FOLH1: variants seen among roughly 807,000 people sequenced by gnomAD.
FOLH1 encodes the protein folate hydrolase 1, also known as glutamate carboxypeptidase 2.
A neutral mutation model predicts 93.9 loss-of-function variants in FOLH1; 54 were observed. That is an observed-to-expected ratio of 0.57 (90% CI 0.46 to 0.72). FOLH1 has a LOEUF of 0.72. Ranked by LOEUF, FOLH1 falls within the 30% of genes least tolerant of loss-of-function variation. The pLI is 0.00. For synonymous variants in FOLH1, 249 were observed against 303.6 expected, an observed-to-expected ratio of 0.82 and a Z score of 1.87; for missense variants, 571 against 892.5, an observed-to-expected ratio of 0.64 and a Z score of 4.59.
intron 3 of FOLH1, among the ~76,000 whole-genome samples, chr11:49,197,508 G>T (rs1348382330): frequency 6.6e-6 from 1 of 152,130 alleles, no homozygotes; most frequent in Non-Finnish European, 1.5e-5. Context: ...ATCTTTATGG[G>T]ATGTTATTTC....
At chr11:49,201,558 T>C (rs1441631288) in intron 2 of FOLH1, among the ~76,000 whole-genome samples, 2 of 151,940 alleles carry the variant, frequency 1.3e-5, no homozygotes, top group Non-Finnish European at 2.9e-5. Context: ...ATAAAAATAG[T>C]ATTAAAATCC....
At position 49,184,849 on chromosome 11, in the gene FOLH1, T is replaced by C. The variant is rs182948270; in HGVS notation, c.826+820A>G. ...ACATTCAAAATAAATTAGCTCCCTTTGTTAATGTTTTACAGGGGAGCCTTT... is the reference window on the plus strand; with the variant it reads ...ACATTCAAAATAAATTAGCTCCCTTCGTTAATGTTTTACAGGGGAGCCTTT... On this transcript the variant is annotated intron_variant, in intron 6 of 18. Coordinates refer to ENST00000256999, the MANE Select transcript of FOLH1 (RefSeq NM_004476.3). 2.2e-3 allele frequency among the ~76,000 whole-genome samples: 339 copies of C among 152,344 alleles called. 1 individual carries two copies. Among genetic ancestry groups the C allele is most frequent in the Admixed American group, 3.9e-3 (60 of 15,300 alleles).
intron 12 of FOLH1, among the ~76,000 whole-genome samples, chr11:49,168,348 ATATAT>A (rs1858717445): frequency 2.6e-5 from 4 of 152,070 alleles, no homozygotes; most frequent in African/African-American, 9.7e-5. Flanking sequence ...CAAGATATAG[ATATAT>A]TAGTGGAGCT....
At chr11:49,169,588 G>C (rs1858956818) in intron 11 of FOLH1, among the ~76,000 whole-genome samples, 1 of 152,158 alleles carries the variant, frequency 6.6e-6, no homozygotes, top group Admixed American at 6.5e-5. Flanking sequence ...AATGACCTAA[G>C]AGACTTTTCA....
At chr11:49,193,175 A>G (rs937264713) in intron 3 of FOLH1, among the ~76,000 whole-genome samples, 3 of 152,224 alleles carry the variant, frequency 2.0e-5, no homozygotes, top group African/African-American at 4.8e-5. Context: ...ATGAAAAACA[A>G]CAATCATAAA....
chr11:49,145,991 A>G lies in FOLH1; in HGVS notation c.*765T>C, dbSNP rs1284441903. ...TACACATGGTATGATTGTCTTTACA[A>G]AAAGTTCAAAAATACATAATGCCAA... On this transcript the variant is annotated 3_prime_UTR_variant, in exon 19 of 19. Coordinates refer to ENST00000256999, the MANE Select transcript of FOLH1 (RefSeq NM_004476.3). 6.6e-6 allele frequency among the ~76,000 whole-genome samples: 1 copy of G among 152,218 alleles called. No homozygotes were observed. The highest frequency in any genetic ancestry group is 2.4e-5 in the African/African-American group (1 of 41,464).
chr11:49,190,141 T>C (rs552420239), intron 4 of FOLH1, among the ~76,000 whole-genome samples: 1 of 152,356 alleles, frequency 6.6e-6, no homozygotes, highest in South Asian at 2.1e-4. Context: ...TATCCTACTT[T>C]CTTTACCCTT....
chr11:49,195,644 A>G (rs955690231), intron 3 of FOLH1, among the ~76,000 whole-genome samples: 1 of 151,972 alleles, frequency 6.6e-6, no homozygotes, highest in Non-Finnish European at 1.5e-5. Flanking sequence ...ATACACTAGT[A>G]AATTTGACAT....
chr11:49,191,798 C>T (rs1405111781), intron 4 of FOLH1, among the ~76,000 whole-genome samples: 1 of 152,138 alleles, frequency 6.6e-6, no homozygotes, highest in Non-Finnish European at 1.5e-5. Flanking sequence ...CCCGGGTTCA[C>T]GCCATCCTCC....
At chr11:49,198,246 C>A (rs183377635) in intron 3 of FOLH1, among the ~76,000 whole-genome samples, 1,522 of 152,080 alleles carry the variant, frequency 0.01, 23 homozygotes, top group African/African-American at 0.035. Flanking sequence ...CTTTGGGAGG[C>A]CGAGGCGGGT....
In FOLH1 at chr11:49,193,482, A is replaced by G. The variant is rs185476973; in HGVS notation, c.412-588T>C. Among the ~76,000 whole-genome samples the G allele has an allele frequency of 2.2e-3, 335 of 152,260 alleles. 1 individual carries two copies. The highest frequency in any genetic ancestry group is 7.8e-3 in the African/African-American group (325 of 41,574). On this transcript the variant is annotated intron_variant, in intron 3 of 18. Transcript: ENST00000256999. Reference sequence around the variant, plus strand: ...AAAGTACCTTTGTTTGGTAATCTCAATCATTATAATAGTGCTTAGATAATT... The same window carrying G: ...AAAGTACCTTTGTTTGGTAATCTCAGTCATTATAATAGTGCTTAGATAATT...
chr11:49,183,520 G>GTATT (rs1468011834), intron 6 of FOLH1, among the ~76,000 whole-genome samples: 2 of 151,998 alleles, frequency 1.3e-5, no homozygotes, highest in African/African-American at 4.8e-5. Context: ...CCACTCCTGG[G>GTATT]TACTCTAGAA....
At chr11:49,183,936 C>T (rs1861079991) in intron 6 of FOLH1, among the ~76,000 whole-genome samples, 1 of 152,052 alleles carries the variant, frequency 6.6e-6, no homozygotes, top group African/African-American at 2.4e-5. Context: ...TTTTAAGTGA[C>T]ATAAACACAT....
intron 10 of FOLH1, among the ~76,000 whole-genome samples, chr11:49,173,129 C>T (rs1859562550): frequency 6.6e-6 from 1 of 152,084 alleles, no homozygotes; most frequent in Non-Finnish European, 1.5e-5. Context: ...AGTATAATTC[C>T]TTTATTTCAG....
intron 2 of FOLH1, among the ~76,000 whole-genome samples, chr11:49,203,447 G>A (rs999840704): frequency 1.3e-5 from 2 of 152,180 alleles, no homozygotes; most frequent in Admixed American, 1.3e-4. Context: ...AGATTTTAAA[G>A]GGGGACCAGA....
rs929520893 is a variant in FOLH1 at position 49,146,111 on chromosome 11, A to G, written c.*645T>C. On this transcript the variant is annotated 3_prime_UTR_variant, in exon 19 of 19. Transcript: ENST00000256999. ...AAATTCAAGAAAATGCAAAAGCATA[A>G]CTGTCATTAGTACATGGGGCATCCA... Among the ~76,000 whole-genome samples, 5 of 152,224 alleles carry G rather than the reference A, an allele frequency of 3.3e-5. No homozygotes were observed. The highest frequency in any genetic ancestry group is 1.2e-4 in the African/African-American group (5 of 41,460).
intron 3 of FOLH1, among the ~76,000 whole-genome samples, chr11:49,193,347 T>C (rs1377675635): frequency 2.6e-5 from 4 of 152,208 alleles, no homozygotes; most frequent in African/African-American, 7.2e-5. Flanking sequence ...CAAGCCTAAA[T>C]ATGTAGTTGC....
At chr11:49,166,634 G>A (rs55956951) in intron 12 of FOLH1, among the ~76,000 whole-genome samples, 6,027 of 152,140 alleles carry the variant, frequency 0.04, 142 homozygotes, top group Non-Finnish European at 0.051. Context: ...GGGGAGTTTC[G>A]CTTTATTTGT....
At chr11:49,206,882 A>C in intron 1 of FOLH1, 7 of 1,072,062 alleles carry the variant, frequency 6.5e-6, no homozygotes, top group Non-Finnish European at 9.6e-6. Flanking sequence ...AACCTGAAGG[A>C]GATAAGGCAA....
Sources: gnomAD v4.1 joint callset for allele counts (sites outside exome capture counted in the v4.1 genomes callset) on GRCh38, gnomAD v4.1.1 for gene constraint, MANE v1.5 for transcripts, NCBI Gene and HGNC (gene_info 2026-07-23, HGNC 2026-07-21) for gene names.